The following NSD3 variants were observed in gnomAD, a reference collection of about 807,000 sequenced individuals.
The protein encoded by NSD3 is histone-lysine N-methyltransferase NSD3.
Under a neutral mutation model 160.8 loss-of-function variants are expected in NSD3, and 24 were observed. The observed-to-expected ratio is 0.15, with a 90% CI of 0.11 to 0.21. NSD3 has a LOEUF of 0.21. NSD3 is among the 10% of genes least tolerant of loss of function. The pLI is 1.00. For missense variants in NSD3, 1,157 were observed against 1,735.9 expected (o/e 0.67, Z 5.93); for synonymous variants, 520 against 600.0 (o/e 0.87, Z 1.95).
intron 1 of NSD3, among the ~76,000 whole-genome samples, chr8:38,374,142 TG>T (rs1379538809): frequency 6.7e-6 from 1 of 149,156 alleles, no homozygotes; most frequent in Non-Finnish European, 1.5e-5. Context: ...TTGGGCAGGG[TG>T]GCACATGTGT....
At chr8:38,315,859 A>G in intron 10 of NSD3, 53 bp downstream of exon 10, 1 of 1,564,470 alleles carries the variant, frequency 6.4e-7, no homozygotes, top group South Asian at 1.2e-5. Flanking sequence ...AAATAAGGGA[A>G]AAGCATTATG....
chr8:38,344,798 T>A (rs1322264775), intron 2 of NSD3, among the ~76,000 whole-genome samples: 1 of 152,114 alleles, frequency 6.6e-6, no homozygotes, highest in African/African-American at 2.4e-5. Context: ...TCCAGTGAAG[T>A]CAGTGGATGC....
chr8:38,381,839 C>T lies in NSD3; in HGVS notation c.-85G>A. On this transcript the variant is annotated 5_prime_UTR_variant, in exon 1 of 24. Coordinates refer to ENST00000317025, the MANE Select transcript of NSD3 (RefSeq NM_023034.2). Reference sequence around the variant, plus strand: ...TTCTAACCCCCCGGCCGTGTCAGTGCGATCACAGGAGAGACACGGAGGCCC... The same window carrying T: ...TTCTAACCCCCCGGCCGTGTCAGTGTGATCACAGGAGAGACACGGAGGCCC... 6.5e-6 allele frequency: 1 copy of T among 154,378 alleles called. No homozygotes were observed. The highest frequency in any genetic ancestry group is 1.4e-5 in the Non-Finnish European group (1 of 69,400). The allele number at this position is 154,378 out of a possible 1,614,324, so 9.6% of individuals were successfully genotyped here. A position where few individuals can be genotyped will look rare whatever the true frequency, so the allele number is the denominator to read the frequency against.
At chr8:38,334,674 C>T (rs995246301) in intron 4 of NSD3, among the ~76,000 whole-genome samples, 27 of 151,930 alleles carry the variant, frequency 1.8e-4, no homozygotes, top group Non-Finnish European at 2.6e-4. Flanking sequence ...GCAGGAGAAT[C>T]GCTTGAACCT....
intron 2 of NSD3, among the ~76,000 whole-genome samples, chr8:38,341,346 G>C (rs1231239519): frequency 6.6e-6 from 1 of 151,970 alleles, no homozygotes; most frequent in African/African-American, 2.4e-5. Flanking sequence ...GAGACCAGCC[G>C]TGCCAAGATG....
In NSD3 at chr8:38,273,906, T is replaced by A. The variant is rs889876942; in HGVS notation, c.*1735A>T. The A allele has an allele frequency of 2.0e-5, 3 of 152,136 alleles. No individual in the cohort carries two copies. Among genetic ancestry groups the A allele is most frequent in the Admixed American group, 2.0e-4 (3 of 15,278 alleles). 9.4% of individuals were successfully genotyped at this position (152,136 alleles called of 1,614,324 possible). A position where few individuals can be genotyped will look rare whatever the true frequency, so the allele number is the denominator to read the frequency against. On this transcript the variant is annotated 3_prime_UTR_variant, in exon 24 of 24. Coordinates refer to ENST00000317025, the MANE Select transcript of NSD3 (RefSeq NM_023034.2). ...GAGCTTCAGTAAAAGAATTGTAGTG[T>A]TTTTTACAAGAGAAAATCCAGTATA...
chr8:38,312,311 G>A (rs143669760), intron 12 of NSD3, among the ~76,000 whole-genome samples: 26 of 152,072 alleles, frequency 1.7e-4, no homozygotes, highest in African/African-American at 6.3e-4. Flanking sequence ...TGTTTTTAAA[G>A]CAAATTTCCC....
At chr8:38,359,002 C>G (rs370651535) in intron 1 of NSD3, among the ~76,000 whole-genome samples, 1 of 151,786 alleles carries the variant, frequency 6.6e-6, no homozygotes, top group Non-Finnish European at 1.5e-5. Context: ...AGAAAAAATG[C>G]GTAACTATAG....
At chr8:38,337,539 G>A (rs1810251934) in intron 3 of NSD3, 72 bp from the exon 4 acceptor site, 1 of 1,282,510 alleles carries the variant, frequency 7.8e-7, no homozygotes, top group Non-Finnish European at 1.0e-6. Context: ...CATTAAAAAT[G>A]CTAACAATGT....
intron 1 of NSD3, among the ~76,000 whole-genome samples, chr8:38,351,582 G>A (rs1810701840): frequency 6.6e-6 from 1 of 150,922 alleles, no homozygotes; most frequent in East Asian, 2.0e-4. Flanking sequence ...AGAATTGTTT[G>A]AACCCAGGAG....
chr8:38,377,816 C>A (rs917855976), intron 1 of NSD3, among the ~76,000 whole-genome samples: 2 of 151,966 alleles, frequency 1.3e-5, no homozygotes, highest in Admixed American at 6.6e-5. Context: ...GCCTGTAATC[C>A]CAGCTACTCG....
At chr8:38,276,535 CACAG>C in intron 22 of NSD3, 35 bp from the exon 23 acceptor site, 1 of 1,610,300 alleles carries the variant, frequency 6.2e-7, no homozygotes, top group Non-Finnish European at 8.5e-7. Context: ...TTTCAAACAT[CACAG>C]ACAGTGCATG....
At position 38,318,782 on chromosome 8, in the gene NSD3, C is replaced by T. The variant is rs759593222; in HGVS notation, c.1855+113G>A. ...CACTGGGGAATACTGCAATTTCACACTGAAGAGCAACAACGATTTACAGAG... is the reference window on the plus strand; with the variant it reads ...CACTGGGGAATACTGCAATTTCACATTGAAGAGCAACAACGATTTACAGAG... On this transcript the variant is annotated intron_variant, in intron 9 of 23. Coordinates refer to ENST00000317025, the MANE Select transcript of NSD3 (RefSeq NM_023034.2). This position sits in a 1 kb window ranked among gnomAD's most constrained non-coding sequence, Gnocchi z 5.3. The T allele has an allele frequency of 6.9e-6, 7 of 1,017,730 alleles. No individual in the cohort carries two copies. The Admixed American group carries it at 1.3e-4, about 19-fold the overall frequency. 63.0% of individuals were successfully genotyped at this position (1,017,730 alleles called of 1,614,324 possible). A position where few individuals can be genotyped will look rare whatever the true frequency, so the allele number is the denominator to read the frequency against.
intron 11 of NSD3, 97 bp downstream of exon 11, chr8:38,315,319 T>C: frequency 7.5e-7 from 1 of 1,336,890 alleles, no homozygotes; most frequent in African/African-American, 1.5e-5. Context: ...ATCATAATAA[T>C]TTGGAAACAT....
At chr8:38,275,984 GGAATTCAATT>G in intron 23 of NSD3, 102 bp from the exon 24 acceptor site, 6 of 1,039,174 alleles carry the variant, frequency 5.8e-6, no homozygotes, top group Non-Finnish European at 8.3e-6. Flanking sequence ...CATTGGAGAT[GGAATTCAATT>G]GAATACAACT....
intron 1 of NSD3, among the ~76,000 whole-genome samples, chr8:38,360,423 A>C (rs1348616612): frequency 1.3e-5 from 2 of 152,186 alleles, no homozygotes; most frequent in Non-Finnish European, 2.9e-5. Context: ...GAGGATGTCA[A>C]AATTATGAGG....
chr8:38,294,288 G>C (rs1324927170), intron 16 of NSD3, among the ~76,000 whole-genome samples: 1 of 152,140 alleles, frequency 6.6e-6, no homozygotes, highest in Non-Finnish European at 1.5e-5. Flanking sequence ...TAGAGACAGA[G>C]TTTTGTCACG....
rs1211498406 is a variant in NSD3, at chr8:38,318,880, A to G, written c.1855+15T>C. The stretch of plus-strand genomic sequence containing the variant: ...AATCAAGGAAATGCAAAGCAACATT[A>G]TAATATTAACTCACCTTTCTGTAAT... On this transcript the variant is annotated intron_variant, in intron 9 of 23. Transcript: ENST00000317025. The surrounding 1 kb of genome is among the most constrained non-coding windows in gnomAD (Gnocchi z 5.3). 1.9e-6 allele frequency: 3 copies of G among 1,607,090 alleles called. No homozygotes were observed. Among genetic ancestry groups the G allele is most frequent in the Admixed American group, 1.7e-5 (1 of 57,900 alleles).
intron 3 of NSD3, 90 bp from the exon 4 acceptor site, chr8:38,337,557 T>A (rs936245967): frequency 2.4e-5 from 28 of 1,183,870 alleles, no homozygotes; most frequent in Non-Finnish European, 2.6e-5. Flanking sequence ...TGTAATTTTA[T>A]CTTCAGTTAT....
Sources: gnomAD v4.1 joint callset for allele counts (sites outside exome capture counted in the v4.1 genomes callset) on GRCh38, gnomAD v4.1.1 for gene constraint, Gnocchi (gnomAD v3.1) non-coding constraint, MANE v1.5 for transcripts, NCBI Gene and HGNC (gene_info 2026-07-23, HGNC 2026-07-21) for gene names.